The following BRD8 variants were observed in gnomAD, a reference collection of about 807,000 sequenced individuals.
The protein encoded by BRD8 is bromodomain containing 8.
BRD8 carries 67 observed loss-of-function variants against 143.1 expected under a neutral mutation model. The ratio of observed to expected loss-of-function variants is 0.47; its 90% confidence interval spans 0.38 to 0.57. The LOEUF is 0.57. Ranked by LOEUF, BRD8 falls within the 20% of genes least tolerant of loss-of-function variation. The probability of loss-of-function intolerance (pLI) is 0.00; values close to 1 mark genes in which losing one functional copy is unlikely to be tolerated. For missense variants in BRD8, 1,103 were observed against 1,503.0 expected (o/e 0.73, Z 4.40); for synonymous variants, 505 against 517.1 (o/e 0.98, Z 0.32).
rs752318569 is a variant in BRD8, at chr5:138,164,988, T to G, written c.1457A>C (p.Asp486Ala). 9 of 1,614,194 alleles carry G rather than the reference T, an allele frequency of 5.6e-6. No individual in the cohort carries two copies. In the East Asian group the frequency reaches 8.9e-5, roughly 16 times the overall value. The change falls in exon 12 of 27, where the codon GAC (aspartate) becomes GCC (alanine). Residue 486 changes from aspartate to alanine, a missense_variant. Physicochemically the swap from Asp to Ala is moderately radical, Grantham distance 126 (BLOSUM62 -2). This residue lies in a region of BRD8 where 139 missense variants were observed against 139.0 expected (regional missense o/e 1.00). Coordinates refer to ENST00000254900, the MANE Select transcript of BRD8 (RefSeq NM_139199.2). ...PEMTVKQERLDFEETENKGIH... is the reference protein window; with the variant it reads ...PEMTVKQERLAFEETENKGIH... ...TCCCTTGTTTTCCGTTTCCTCAAAG[T>G]CCAGTCTCTCTTGCTTGACCGTCAT...
chr5:138,164,944 T>C lies in BRD8; in HGVS notation c.1501A>G (p.Ile501Val), dbSNP rs756559359. 1 of 1,614,242 alleles carries C rather than the reference T, an allele frequency of 6.2e-7. No individual in the cohort carries two copies. Among genetic ancestry groups the C allele is most frequent in the Non-Finnish European group, 8.5e-7 (1 of 1,180,046 alleles). The change falls in exon 12 of 27, where the codon ATC becomes GTC. Residue 501 changes from isoleucine (I) to valine (V), a missense_variant. By Grantham distance (29) the Ile-to-Val change is conservative. This residue lies in a region of BRD8 where 139 missense variants were observed against 139.0 expected (regional missense o/e 1.00). Transcript: ENST00000254900. ...ENKGIHELVD[I>V]REPSAEIKVE... ...TTGATCTCTGCACTGGGCTCCCTGA[T>C]GTCCACCAGTTCATGTATTCCCTTG...
intron 18 of BRD8, 69 bp from the exon 19 acceptor site, chr5:138,160,242 A>G: frequency 9.5e-7 from 1 of 1,057,190 alleles, no homozygotes; most frequent in Non-Finnish European, 1.5e-6. Context: ...GTACACTTTA[A>G]GCACTGTAAA....
At chr5:138,168,784 A>G in intron 8 of BRD8, 1 of 700,756 alleles carries the variant, frequency 1.4e-6, no homozygotes, top group South Asian at 1.7e-5. Flanking sequence ...TTATTTTATT[A>G]GTCCTGAGTG....
chr5:138,165,997 T>C lies in BRD8; in HGVS notation c.1109A>G (p.Glu370Gly), dbSNP rs779929731. ...ISMIINSIKE[E>G]CFRSGVAEAP... ...CTCTGCTACCCCTGATCGAAAACAC[T>C]CTTCTTTGATAGAATTGATGATCAT... The change falls in exon 11 of 27, where the codon GAG becomes GGG. Residue 370 changes from glutamate to glycine, a missense_variant. Glu to Gly is a moderately conservative substitution (Grantham distance 98, BLOSUM62 -2). This residue lies in a region of BRD8 where 334 missense variants were observed against 372.5 expected (regional missense o/e 0.90). Coordinates refer to ENST00000254900, the MANE Select transcript of BRD8 (RefSeq NM_139199.2). 1 of 1,614,172 alleles carries C rather than the reference T, an allele frequency of 6.2e-7. No individual in the cohort carries two copies. The highest frequency in any genetic ancestry group is 1.1e-5 in the South Asian group (1 of 91,082).
At chr5:138,162,854 AGCAGGGTGTGGTG>A (rs1753100661) in intron 15 of BRD8, among the ~76,000 whole-genome samples, 1 of 151,982 alleles carries the variant, frequency 6.6e-6, no homozygotes, top group Admixed American at 6.6e-5. Flanking sequence ...TTTTTTAATT[AGCAGGGTGTGGTG>A]GCACAGGCTG....
At position 138,140,180 on chromosome 5, in the gene BRD8, G is replaced by A. The variant is rs2151176158; in HGVS notation, c.3616-14C>T. On this transcript the variant is annotated splice_polypyrimidine_tract_variant and intron_variant, in intron 26 of 26. Coordinates refer to ENST00000254900, the MANE Select transcript of BRD8 (RefSeq NM_139199.2). ...GATATTCAGTACCTAAAGGGTTAAGGAACACATAGCAAGCTATTATGAACC... is the reference window on the plus strand; with the variant it reads ...GATATTCAGTACCTAAAGGGTTAAGAAACACATAGCAAGCTATTATGAACC... 6.4e-7 allele frequency: 1 copy of A among 1,573,778 alleles called. No homozygotes were observed. The highest frequency in any genetic ancestry group is 1.1e-5 in the South Asian group (1 of 90,092).
At chr5:138,157,295 A>G (rs1442478435) in intron 20 of BRD8, 1 of 1,613,450 alleles carries the variant, frequency 6.2e-7, no homozygotes, top group Admixed American at 1.7e-5. Context: ...AAAGAAAGGG[A>G]GCATGAGTTG....
chr5:138,169,614 T>G (rs946804495), intron 7 of BRD8, among the ~76,000 whole-genome samples: 8 of 152,110 alleles, frequency 5.3e-5, no homozygotes, highest in African/African-American at 1.9e-4. Context: ...GTCCTTGGAG[T>G]GGGAAAGTAG....
chr5:138,174,343 C>A (rs187639644), intron 2 of BRD8, among the ~76,000 whole-genome samples: 5 of 152,092 alleles, frequency 3.3e-5, no homozygotes, highest in Admixed American at 1.3e-4. Context: ...GCCTGTAATC[C>A]CGGCACTTTG....
At position 138,168,009 on chromosome 5, in the gene BRD8, C is replaced by T; in HGVS notation, c.712G>A (p.Gly238Arg). Residue 238 changes from glycine (G) to arginine (R), a missense_variant, in exon 9 of 27, where the codon GGG becomes AGG. Coordinates refer to ENST00000254900, the MANE Select transcript of BRD8 (RefSeq NM_139199.2). Reference protein sequence around the residue: ...NSTGVLLEVGGVLPMIHGGEI... With the variant: ...NSTGVLLEVGRVLPMIHGGEI... The stretch of plus-strand genomic sequence containing the variant: ...CCACCATGTATCATGGGAAGGACCC[C>T]GCCTACCTCCAGGAGGACACCTGTA... 2 of 1,613,212 alleles carry T rather than the reference C, an allele frequency of 1.2e-6. No individual in the cohort carries two copies. Among genetic ancestry groups the T allele is most frequent in the Non-Finnish European group, 1.7e-6 (2 of 1,179,206 alleles).
At chr5:138,168,991 T>C (rs957061083) in intron 8 of BRD8, among the ~76,000 whole-genome samples, 1 of 152,222 alleles carries the variant, frequency 6.6e-6, no homozygotes, top group African/African-American at 2.4e-5. Flanking sequence ...ATAAGACTAG[T>C]ATGAAACAAT....
chr5:138,159,965 G>T, intron 19 of BRD8, 104 bp downstream of exon 19: 1 of 802,518 alleles, frequency 1.2e-6, no homozygotes. Flanking sequence ...GTATATCATT[G>T]GAATCTAGAA....
At chr5:138,165,629 G>A (rs555103274) in intron 11 of BRD8, among the ~76,000 whole-genome samples, 199 bp downstream of exon 11, 1 of 151,924 alleles carries the variant, frequency 6.6e-6, no homozygotes, top group African/African-American at 2.4e-5. Context: ...AGGAGGCTGA[G>A]GCACAAGAAT....
rs1421928956 is a variant in BRD8 at position 138,150,667 on chromosome 5, C to A, written c.3120+78G>T. On this transcript the variant is annotated intron_variant, in intron 22 of 26. Coordinates refer to ENST00000254900, the MANE Select transcript of BRD8 (RefSeq NM_139199.2). ...AGGTAGTTTAACTTTCTGGAGTTAG[C>A]CTATGTGCTCTAACTACTCTGTTCT... 2.1e-6 allele frequency: 3 copies of A among 1,450,726 alleles called. No homozygotes were observed. In the East Asian group the frequency reaches 7.0e-5, roughly 34 times the overall value. 89.9% of individuals were successfully genotyped at this position (1,450,726 alleles called of 1,614,324 possible). A position where few individuals can be genotyped will look rare whatever the true frequency, so the allele number is the denominator to read the frequency against.
intron 1 of BRD8, among the ~76,000 whole-genome samples, 184 bp from the exon 2 acceptor site, chr5:138,177,851 C>T (rs1328002733): frequency 6.6e-6 from 1 of 152,126 alleles, no homozygotes; most frequent in Non-Finnish European, 1.5e-5. Context: ...CACCAGTGAC[C>T]GGGGTACCTA....
At chr5:138,157,159 T>C (rs1752655740) in intron 20 of BRD8, 1 of 1,608,016 alleles carries the variant, frequency 6.2e-7, no homozygotes, top group Admixed American at 1.7e-5. Flanking sequence ...AAGCTCTATC[T>C]TGTTTACTTT....
chr5:138,175,615 G>T lies in BRD8; in HGVS notation c.116+1956C>A, dbSNP rs1031144088. On this transcript the variant is annotated intron_variant, in intron 2 of 26. Transcript: ENST00000254900. ...AACTACTCAGGATGCTAAACTGGGA[G>T]GATCACTTGAGGCCAAGAGTTGGAG... 3.3e-5 allele frequency among the ~76,000 whole-genome samples: 5 copies of T among 151,586 alleles called. No homozygotes were observed. The South Asian group carries it at 1.0e-3, about 32-fold the overall frequency.
chr5:138,160,478 C>T (rs1330989387), intron 18 of BRD8, among the ~76,000 whole-genome samples: 2 of 152,028 alleles, frequency 1.3e-5, no homozygotes, highest in African/African-American at 2.4e-5. Flanking sequence ...TTTGACAAAT[C>T]GTGCAAAGAT....
In BRD8 at chr5:138,145,337, G is replaced by C. The variant is rs1752105048; in HGVS notation, c.3369-92C>G. On this transcript the variant is annotated intron_variant, in intron 24 of 26. Transcript: ENST00000254900. ...CTCAGTTCTTAGTAGACTTCCTTTA[G>C]GGGAATGCAGACTGTCAGCACCATT... The C allele has an allele frequency of 7.4e-6, 8 of 1,087,974 alleles. No homozygotes were observed. In the Admixed American group the frequency reaches 1.9e-4, roughly 25 times the overall value. 67.4% of individuals were successfully genotyped at this position (1,087,974 alleles called of 1,614,324 possible).
Sources: gnomAD v4.1 joint callset for allele counts (sites outside exome capture counted in the v4.1 genomes callset) on GRCh38, gnomAD v4.1.1 for gene constraint, gnomAD v4.1.1 regional missense constraint, MANE v1.5 for transcripts, NCBI Gene and HGNC (gene_info 2026-07-23, HGNC 2026-07-21) for gene names.